Variants in RASAL2 observed in about 807,000 individuals in gnomAD.
RASAL2 encodes RAS protein activator like 2.
A neutral mutation model predicts 128.9 loss-of-function variants in RASAL2; 58 were observed. The ratio of observed to expected loss-of-function variants is 0.45; its 90% confidence interval spans 0.36 to 0.56. The LOEUF (loss-of-function observed/expected upper bound fraction) is 0.56. RASAL2 is among the 20% of genes least tolerant of loss of function. The pLI, the probability that RASAL2 is intolerant of heterozygous loss-of-function variation, is 0.00. For missense variants in RASAL2, 1,360 were observed against 1,601.6 expected (o/e 0.85, Z 2.57); for synonymous variants, 561 against 580.8 (o/e 0.97, Z 0.49).
At chr1:178,389,336 G>A in intron 3 of RASAL2, 1 of 872,056 alleles carries the variant, frequency 1.1e-6, no homozygotes, top group African/African-American at 1.8e-5. Context: ...TATCATCTGT[G>A]TGTGCGTGTG....
intron 1 of RASAL2, among the ~76,000 whole-genome samples, chr1:178,121,569 T>C (rs1044798317): frequency 2.6e-5 from 4 of 151,900 alleles, no homozygotes; most frequent in Admixed American, 1.3e-4. Context: ...CACTGCAACC[T>C]CCATCTCCCG....
chr1:178,405,205 T>C (rs1160744873), intron 4 of RASAL2, among the ~76,000 whole-genome samples: 2 of 152,166 alleles, frequency 1.3e-5, no homozygotes. Context: ...GAATCCAACC[T>C]GAAGATACAT....
intron 1 of RASAL2, among the ~76,000 whole-genome samples, chr1:178,175,888 CGTT>C (rs1661871948): frequency 6.6e-6 from 1 of 151,998 alleles, no homozygotes; most frequent in Non-Finnish European, 1.5e-5. Context: ...TTGTTGTTGT[CGTT>C]GTTTTAATGG....
chr1:178,288,642 CTTTTTT>C (rs60150701), intron 2 of RASAL2, among the ~76,000 whole-genome samples: 1 of 97,276 alleles, frequency 1.0e-5, no homozygotes, highest in Non-Finnish European at 1.9e-5. Context: ...CTTTCTCTCT[CTTTTTT>C]TTTTTTTTTT....
intron 1 of RASAL2, among the ~76,000 whole-genome samples, chr1:178,159,574 G>A (rs951545676): frequency 6.6e-5 from 10 of 152,104 alleles, no homozygotes; most frequent in African/African-American, 2.4e-4. Context: ...TCGCTTATTA[G>A]ACTATTATTG....
At chr1:178,186,551 C>T (rs1264651547) in intron 1 of RASAL2, among the ~76,000 whole-genome samples, 53 of 152,072 alleles carry the variant, frequency 3.5e-4, no homozygotes, top group Non-Finnish European at 1.5e-5. Flanking sequence ...CATTTAAAGT[C>T]TTGTTCCATC....
At position 178,265,091 on chromosome 1, in the gene RASAL2, A is replaced by G. The variant is rs74128899; in HGVS notation, c.203-18473A>G. Among the ~76,000 whole-genome samples the G allele has an allele frequency of 7.2e-3, 1,092 of 152,346 alleles. 20 individuals are homozygous for G. Among genetic ancestry groups the G allele is most frequent in the African/African-American group, 0.025 (1,032 of 41,592 alleles). On this transcript the variant is annotated intron_variant, in intron 1 of 17. Transcript: ENST00000367649. ...CCAAATATGTATTTCTTATTATATC[A>G]GAATATCACACTTGCCCCAAATCAT...
intron 5 of RASAL2, among the ~76,000 whole-genome samples, chr1:178,427,877 A>G (rs1300753673): frequency 6.6e-6 from 1 of 152,100 alleles, no homozygotes; most frequent in Non-Finnish European, 1.5e-5. Context: ...GAACTGTTTC[A>G]TTACCAAGAA....
rs549970547 is a variant in RASAL2 at position 178,458,007 on chromosome 1, G to A, written c.2715G>A (p.Arg905=). 2 of 1,614,088 alleles carry A rather than the reference G, an allele frequency of 1.2e-6. No homozygotes were observed. Among genetic ancestry groups the A allele is most frequent in the Admixed American group, 1.7e-5 (1 of 60,016 alleles). The change falls in exon 14 of 18, where the codon AGG becomes AGA. Residue 905 remains arginine, a synonymous_variant. Coordinates refer to ENST00000367649, the MANE Select transcript of RASAL2 (RefSeq NM_170692.4). ...CCCAAAGTGCACCCCAAGTGAGAAG[G>A]CCCCTGCACCCAGCCTTGAACCAGC... ...STPQSAPQVR[R]PLHPALNQPG... is the part of the protein sequence containing the mutation.
intron 15 of RASAL2, among the ~76,000 whole-genome samples, chr1:178,465,473 AT>A (rs561692114): frequency 6.6e-6 from 1 of 152,180 alleles, no homozygotes; most frequent in Non-Finnish European, 1.5e-5. Context: ...ATGACACAGA[AT>A]CTTTTTCTCT....
chr1:178,122,388 C>T (rs1338757640), intron 1 of RASAL2, among the ~76,000 whole-genome samples: 2 of 152,134 alleles, frequency 1.3e-5, no homozygotes, highest in Non-Finnish European at 2.9e-5. Flanking sequence ...GAAACTAATG[C>T]TGCCTGCTTT....
chr1:178,240,444 G>A (rs1664449748), intron 1 of RASAL2, among the ~76,000 whole-genome samples: 1 of 151,700 alleles, frequency 6.6e-6, no homozygotes, highest in African/African-American at 2.4e-5. Flanking sequence ...AACACAATAG[G>A]TCCATTTTCT....
At chr1:178,124,444 A>G (rs1481277172) in intron 1 of RASAL2, among the ~76,000 whole-genome samples, 3 of 152,188 alleles carry the variant, frequency 2.0e-5, no homozygotes, top group African/African-American at 7.2e-5. Context: ...TATCAAGGGT[A>G]AGTACCTAGG....
At chr1:178,276,779 T>G (rs1347038314) in intron 1 of RASAL2, among the ~76,000 whole-genome samples, 1 of 152,212 alleles carries the variant, frequency 6.6e-6, no homozygotes, top group East Asian at 1.9e-4. Context: ...GCCATGTGTA[T>G]GCCATATTTT....
intron 1 of RASAL2, among the ~76,000 whole-genome samples, chr1:178,262,535 A>G (rs1307916646): frequency 6.6e-6 from 1 of 152,210 alleles, no homozygotes; most frequent in East Asian, 1.9e-4. Context: ...TTTTTTAAAA[A>G]TAGCAAAAGA....
chr1:178,192,648 A>G (rs565241611), intron 1 of RASAL2, among the ~76,000 whole-genome samples: 21 of 152,336 alleles, frequency 1.4e-4, no homozygotes, highest in Non-Finnish European at 2.1e-4. Context: ...GGACACATTT[A>G]GCTTCTAAAG....
At chr1:178,423,370 C>T (rs560533018) in intron 5 of RASAL2, among the ~76,000 whole-genome samples, 1 of 152,088 alleles carries the variant, frequency 6.6e-6, no homozygotes, top group South Asian at 2.1e-4. Context: ...AAGGACCTTT[C>T]CCACCAACAA....
At chr1:178,345,144 G>A (rs60495997) in intron 3 of RASAL2, among the ~76,000 whole-genome samples, 1,981 of 152,186 alleles carry the variant, frequency 0.013, 35 homozygotes, top group African/African-American at 0.042. Flanking sequence ...ACATGAAGAG[G>A]GAACCATTGA....
At chr1:178,098,290 A>G (rs1038446788) in intron 1 of RASAL2, among the ~76,000 whole-genome samples, 1 of 152,196 alleles carries the variant, frequency 6.6e-6, no homozygotes, top group Non-Finnish European at 1.5e-5. Flanking sequence ...GACTGACTGT[A>G]TGGGTGGTAG....
Sources: allele counts gnomAD v4.1 joint callset (sites outside exome capture counted in the v4.1 genomes callset), GRCh38; gene constraint gnomAD v4.1.1; transcripts MANE v1.5; gene names NCBI Gene and HGNC (gene_info 2026-07-23, HGNC 2026-07-21).